TEK: variants seen among roughly 807,000 people sequenced by gnomAD.
TEK encodes the protein TEK receptor tyrosine kinase, also known as angiopoietin-1 receptor.
A neutral mutation model predicts 131.8 loss-of-function variants in TEK; 43 were observed. The ratio of observed to expected loss-of-function variants is 0.33; its 90% CI spans 0.26 to 0.42. The LOEUF (loss-of-function observed/expected upper bound fraction) is 0.42, where lower values mean the gene tolerates loss of function less well. Among genes scored for constraint, TEK ranks in the 10% least tolerant of loss-of-function variants. The probability of loss-of-function intolerance (pLI) is 1.00; values close to 1 mark genes in which losing one functional copy is unlikely to be tolerated. For synonymous variants in TEK, 580 were observed against 491.6 expected, an observed-to-expected ratio of 1.18 and a Z score of -2.38; for missense variants, 1,162 against 1,384.4, an observed-to-expected ratio of 0.84 and a Z score of 2.55.
chr9:27,225,871 G>C (rs1308615076), intron 21 of TEK, among the ~76,000 whole-genome samples: 1 of 152,046 alleles, frequency 6.6e-6, no homozygotes, highest in Admixed American at 6.6e-5. Context: ...AATCTACAAA[G>C]CACTTCAACA....
chr9:27,209,072 C>T, intron 15 of TEK, 49 bp from the exon 16 acceptor site: 1 of 1,357,742 alleles, frequency 7.4e-7, no homozygotes, highest in Non-Finnish European at 1.1e-6. Context: ...ACAGCTGATT[C>T]TGAAAAGGTG....
intron 21 of TEK, among the ~76,000 whole-genome samples, chr9:27,221,498 G>A (rs531374225): frequency 1.7e-3 from 260 of 152,136 alleles, no homozygotes; most frequent in African/African-American, 6.0e-3. Flanking sequence ...TCTCCCAGTA[G>A]GGGTCGACAG....
intron 2 of TEK, among the ~76,000 whole-genome samples, chr9:27,162,356 C>T (rs929650504): frequency 2.0e-5 from 3 of 152,132 alleles, no homozygotes; most frequent in Admixed American, 6.5e-5. Context: ...TCACACACTC[C>T]AAACAGACAA....
At chr9:27,172,807 A>G (rs1170851108) in intron 5 of TEK, 60 bp downstream of exon 5, 6 of 1,603,242 alleles carry the variant, frequency 3.7e-6, no homozygotes, top group East Asian at 2.2e-5. Context: ...TGCTGGATCT[A>G]GAATTTTAGA....
intron 1 of TEK, among the ~76,000 whole-genome samples, chr9:27,144,062 A>T (rs10967734): frequency 0.17 from 26,493 of 152,144 alleles, 2,550 homozygotes; most frequent in Middle Eastern, 0.26. Flanking sequence ...GGTGGGCAGA[A>T]CACGAGGTCA....
intron 2 of TEK, among the ~76,000 whole-genome samples, chr9:27,162,654 C>T (rs1564069046): frequency 6.6e-6 from 1 of 152,058 alleles, no homozygotes; most frequent in Non-Finnish European, 1.5e-5. Flanking sequence ...ATGTTAAAAG[C>T]ATCAAGAAAA....
At position 27,189,633 on chromosome 9, in the gene TEK, C is replaced by T. The variant is rs989486231; in HGVS notation, c.1328-896C>T. ...AGAGATGTGGTGGTCAGAGAAGGAT[C>T]AGAGAGGCCTGATGTTGTAGACTTT... On this transcript the variant is annotated intron_variant, in intron 9 of 22. Transcript: ENST00000380036. 4.6e-5 allele frequency among the ~76,000 whole-genome samples: 7 copies of T among 152,208 alleles called. No individual in the cohort carries two copies. The South Asian group carries it at 1.5e-3, about 32-fold the overall frequency.
At chr9:27,179,333 C>G (rs1053607879) in intron 6 of TEK, among the ~76,000 whole-genome samples, 1 of 152,138 alleles carries the variant, frequency 6.6e-6, no homozygotes, top group Non-Finnish European at 1.5e-5. Flanking sequence ...GCTGAAGTTT[C>G]TCATTGTTGC....
intron 6 of TEK, among the ~76,000 whole-genome samples, chr9:27,179,179 T>C (rs1824275144): frequency 6.6e-6 from 1 of 152,242 alleles, no homozygotes; most frequent in African/African-American, 2.4e-5. Flanking sequence ...GGGCTATCTA[T>C]TGATGTTGCT....
chr9:27,119,823 G>T (rs1334029727), intron 1 of TEK, among the ~76,000 whole-genome samples: 1 of 152,004 alleles, frequency 6.6e-6, no homozygotes, highest in African/African-American at 2.4e-5. Flanking sequence ...ACTTCTAGTG[G>T]AATCTGCCTC....
chr9:27,120,327 C>G (rs1293401039), intron 1 of TEK, among the ~76,000 whole-genome samples: 2 of 152,274 alleles, frequency 1.3e-5, no homozygotes, highest in African/African-American at 4.8e-5. Context: ...CTTGTCACCT[C>G]TTCTTCACCT....
chr9:27,157,136 G>A (rs541298568), intron 1 of TEK, among the ~76,000 whole-genome samples: 2 of 152,164 alleles, frequency 1.3e-5, no homozygotes, highest in Non-Finnish European at 2.9e-5. Context: ...TTACATTTGG[G>A]GAGAGGGTAA....
At chr9:27,142,551 G>C (rs1365075900) in intron 1 of TEK, among the ~76,000 whole-genome samples, 1 of 152,240 alleles carries the variant, frequency 6.6e-6, no homozygotes, top group East Asian at 1.9e-4. Flanking sequence ...TTTTGGCAAG[G>C]AGGGTGAATG....
intron 2 of TEK, among the ~76,000 whole-genome samples, chr9:27,162,540 C>G (rs1172872321): frequency 6.6e-6 from 1 of 152,180 alleles, no homozygotes; most frequent in Non-Finnish European, 1.5e-5. Flanking sequence ...TTTATTCCTA[C>G]TTTCATTTGA....
intron 16 of TEK, among the ~76,000 whole-genome samples, chr9:27,212,177 G>A (rs1825659943): frequency 6.6e-6 from 1 of 152,120 alleles, no homozygotes; most frequent in South Asian, 2.1e-4. Flanking sequence ...TGGTGACTTA[G>A]GATGGGTTTT....
intron 16 of TEK, 34 bp from the exon 17 acceptor site, chr9:27,212,673 A>G: frequency 6.2e-7 from 1 of 1,611,736 alleles, no homozygotes; most frequent in Non-Finnish European, 8.5e-7. Flanking sequence ...GTTCAGGGCC[A>G]CTGATGAGTC....
intron 12 of TEK, among the ~76,000 whole-genome samples, chr9:27,202,286 G>T (rs1360773): frequency 0.48 from 72,529 of 152,030 alleles, 17,977 homozygotes; most frequent in Non-Finnish European, 0.52. Context: ...TCCATAAATT[G>T]AGGGCAAGGA....
In TEK at chr9:27,206,742, G is replaced by A. The variant is rs200750146; in HGVS notation, c.2525G>A (p.Arg842His). 8.7e-6 allele frequency: 14 copies of A among 1,614,036 alleles called. No individual in the cohort carries two copies. Among genetic ancestry groups the A allele is most frequent in the Admixed American group, 6.7e-5 (4 of 60,002 alleles). ...AATTTTGGCCAAGTTCTTAAGGCGC[G>A]CATCAAGAAGGATGGGTTACGGATG... ...EGNFGQVLKA[R>H]IKKDGLRMDA... Residue 842 changes from arginine to histidine, a missense_variant, in exon 15 of 23, where the codon CGC (arginine) becomes CAC (histidine). Arg to His is a conservative substitution (Grantham distance 29). This residue lies in a region of TEK where 57 missense variants were observed against 100.8 expected (regional missense o/e 0.57). Transcript: ENST00000380036.
chr9:27,151,782 A>G (rs1318753132), intron 1 of TEK, among the ~76,000 whole-genome samples: 2 of 152,222 alleles, frequency 1.3e-5, no homozygotes, highest in Non-Finnish European at 2.9e-5. Flanking sequence ...GAAGCATGCA[A>G]TAAGTCTGCG....
Sources: allele counts gnomAD v4.1 joint callset (sites outside exome capture counted in the v4.1 genomes callset), GRCh38; gene constraint gnomAD v4.1.1; regional missense constraint gnomAD v4.1.1; transcripts MANE v1.5; gene names NCBI Gene and HGNC (gene_info 2026-07-23, HGNC 2026-07-21).